The following SUGT1 variants were observed in gnomAD, a reference collection of about 807,000 sequenced individuals.
SUGT1 encodes the protein protein SGT1 homolog.
Under a neutral mutation model 56.1 loss-of-function variants are expected in SUGT1, and 15 were observed. The observed-to-expected ratio is 0.27, with a 90% confidence interval of 0.18 to 0.41. The LOEUF (loss-of-function observed/expected upper bound fraction) is 0.41. SUGT1 is among the 10% of genes least tolerant of loss of function. The pLI is 1.00. For synonymous variants in SUGT1, 123 were observed against 128.6 expected (o/e 0.96, Z 0.30); for missense variants, 347 against 382.2 (o/e 0.91, Z 0.77).
intron 12 of SUGT1, among the ~76,000 whole-genome samples, chr13:52,685,067 G>A (rs1227143820): frequency 4.1e-5 from 2 of 48,828 alleles, no homozygotes; most frequent in Admixed American, 3.7e-4. Flanking sequence ...ACCTTTTGGT[G>A]TCTTTTTTTT....
intron 5 of SUGT1, 105 bp from the exon 6 acceptor site, chr13:52,662,544 C>CGA: frequency 1.8e-6 from 2 of 1,108,886 alleles, no homozygotes; most frequent in Admixed American, 2.0e-5. Context: ...TGCCGACTCC[C>CGA]CAGTGCCTAG....
intron 5 of SUGT1, among the ~76,000 whole-genome samples, chr13:52,660,988 T>C (rs1270790038): frequency 6.6e-6 from 1 of 152,066 alleles, no homozygotes; most frequent in Non-Finnish European, 1.5e-5. Flanking sequence ...TGCATTTTAT[T>C]TTTTGCAGAG....
intron 2 of SUGT1, among the ~76,000 whole-genome samples, chr13:52,654,631 C>G (rs900694061): frequency 1.3e-5 from 2 of 152,194 alleles, no homozygotes; most frequent in Admixed American, 1.3e-4. Flanking sequence ...CTGCTTTGAC[C>G]TCCATCACCA....
At chr13:52,653,197 C>T in intron 2 of SUGT1, 94 bp downstream of exon 2, 1 of 1,460,620 alleles carries the variant, frequency 6.8e-7, no homozygotes, top group Non-Finnish European at 9.5e-7. Context: ...CACCGCCGGA[C>T]AGGGACCCAG....
At chr13:52,667,779 C>T (rs1474676437) in intron 10 of SUGT1, among the ~76,000 whole-genome samples, 1 of 152,014 alleles carries the variant, frequency 6.6e-6, no homozygotes, top group African/African-American at 2.4e-5. Flanking sequence ...AAAAATCTGA[C>T]TCTGGATCTT....
chr13:52,656,970 T>C (rs1287510527), intron 2 of SUGT1, among the ~76,000 whole-genome samples: 1 of 152,240 alleles, frequency 6.6e-6, no homozygotes, highest in Non-Finnish European at 1.5e-5. Flanking sequence ...CATAGCCATC[T>C]ATTAGATTGT....
intron 10 of SUGT1, 105 bp from the exon 11 acceptor site, chr13:52,676,125 A>G: frequency 1.3e-6 from 1 of 775,958 alleles, no homozygotes; most frequent in East Asian, 2.8e-5. Flanking sequence ...GAAACTGTCA[A>G]AGATACTATT....
rs1427016204 is a variant in SUGT1 at position 52,696,495 on chromosome 13, T to C, written c.*8660T>C. Reference sequence around the variant, plus strand: ...AGCTTTGGATCTTTGATACATAGCGTAGTGCCTTTCACATAGTATGTACTC... The same window carrying C: ...AGCTTTGGATCTTTGATACATAGCGCAGTGCCTTTCACATAGTATGTACTC... On this transcript the variant is annotated 3_prime_UTR_variant, in exon 13 of 13. Transcript: ENST00000310528. 2.0e-5 allele frequency: 3 copies of C among 152,242 alleles called. No individual in the cohort carries two copies. The highest frequency in any genetic ancestry group is 1.5e-5 in the Non-Finnish European group (1 of 68,042). 9.4% of individuals were successfully genotyped at this position (152,242 alleles called of 1,614,324 possible). A position where few individuals can be genotyped will look rare whatever the true frequency, so the allele number is the denominator to read the frequency against.
chr13:52,664,097 T>C (rs1389493210), intron 8 of SUGT1, 40 bp downstream of exon 8: 12 of 1,591,964 alleles, frequency 7.5e-6, no homozygotes, highest in African/African-American at 6.7e-5. Flanking sequence ...ATGATAAATA[T>C]GCCTAAAGAG....
chr13:52,652,878 G>C lies in SUGT1; in HGVS notation c.-43G>C. 1 of 1,603,938 alleles carries C rather than the reference G, an allele frequency of 6.2e-7. No homozygotes were observed. Among genetic ancestry groups the C allele is most frequent in the Non-Finnish European group, 8.5e-7 (1 of 1,174,644 alleles). Reference sequence around the variant, plus strand: ...TTGGGCGGTGGTGGAGGTGGTAACCGTGATAGTAGCAGCTCCGGCGGCAGC... The same window carrying C: ...TTGGGCGGTGGTGGAGGTGGTAACCCTGATAGTAGCAGCTCCGGCGGCAGC... On this transcript the variant is annotated 5_prime_UTR_variant, in exon 1 of 13. Transcript: ENST00000310528.
chr13:52,681,592 C>CA (rs1963376111), intron 12 of SUGT1, among the ~76,000 whole-genome samples: 1 of 151,942 alleles, frequency 6.6e-6, no homozygotes, highest in Non-Finnish European at 1.5e-5. Flanking sequence ...GATAGGGAAC[C>CA]TTTAATCCCA....
At chr13:52,658,142 A>T in intron 3 of SUGT1, 1 of 1,391,190 alleles carries the variant, frequency 7.2e-7, no homozygotes, top group Non-Finnish European at 9.3e-7. Flanking sequence ...GAAAATGTTA[A>T]TGAGACAAGG....
In SUGT1 at chr13:52,659,216, C is replaced by T; in HGVS notation, c.295C>T (p.Leu99=). Residue 99 remains leucine, a synonymous_variant, in exon 5 of 13, where the codon CTA becomes TTA. Transcript: ENST00000310528. ...CCATGAAAAAAACTATGCTGCTGCC[C>T]TAGAAACTTTTACAGAAGGACAAAA... ...EYHEKNYAAA[L]ETFTEGQKLD... is the part of the protein sequence containing the mutation. 1 of 1,482,064 alleles carries T rather than the reference C, an allele frequency of 6.7e-7. No homozygotes were observed. The highest frequency in any genetic ancestry group is 8.9e-7 in the Non-Finnish European group (1 of 1,123,036). The allele number at this position is 1,482,064 out of a possible 1,614,324, so 91.8% of individuals were successfully genotyped here.
rs1236655069 is a variant in SUGT1 at position 52,692,429 on chromosome 13, TG to T, written c.*4595del. On this transcript the variant is annotated 3_prime_UTR_variant, in exon 13 of 13. Coordinates refer to ENST00000310528, the MANE Select transcript of SUGT1 (RefSeq NM_006704.5). ...AACTAATTCTTTTTTTTTTTTTTTT[TG>T]AGACAGTCTCACTCTGTCGTTCAGG... 2 of 142,676 alleles carry T rather than the reference TG, an allele frequency of 1.4e-5. No homozygotes were observed. Among genetic ancestry groups the T allele is most frequent in the African/African-American group, 2.6e-5 (1 of 38,456 alleles). The allele number at this position is 142,676 out of a possible 1,614,324, so 8.8% of individuals were successfully genotyped here.
intron 12 of SUGT1, among the ~76,000 whole-genome samples, chr13:52,685,109 C>G (rs1963526570): frequency 6.6e-6 from 1 of 150,454 alleles, no homozygotes; most frequent in Admixed American, 6.6e-5. Context: ...CTCTATTGTT[C>G]CAGCTGGAAT....
chr13:52,661,273 T>G (rs192280124), intron 5 of SUGT1, among the ~76,000 whole-genome samples: 59 of 152,238 alleles, frequency 3.9e-4, no homozygotes, highest in Non-Finnish European at 2.2e-4. Context: ...AAACTTTTTT[T>G]GTTGTTGTTT....
At chr13:52,661,970 A>C (rs552086229) in intron 5 of SUGT1, among the ~76,000 whole-genome samples, 2 of 152,328 alleles carry the variant, frequency 1.3e-5, no homozygotes, top group East Asian at 3.9e-4. Context: ...ATATCTTACT[A>C]TGCACTGTGA....
chr13:52,677,233 G>A (rs1257797596), intron 11 of SUGT1, among the ~76,000 whole-genome samples: 2 of 152,042 alleles, frequency 1.3e-5, no homozygotes, highest in East Asian at 3.9e-4. Flanking sequence ...AAATAATTTT[G>A]GATGTTTAGA....
At chr13:52,673,639 G>C (rs1594245708) in intron 10 of SUGT1, among the ~76,000 whole-genome samples, 1 of 152,282 alleles carries the variant, frequency 6.6e-6, no homozygotes, top group Non-Finnish European at 1.5e-5. Context: ...CTGCTCTTCA[G>C]GTGAAACAAG....
Sources: gnomAD v4.1 joint callset for allele counts (sites outside exome capture counted in the v4.1 genomes callset) on GRCh38, gnomAD v4.1.1 for gene constraint, MANE v1.5 for transcripts, NCBI Gene and HGNC (gene_info 2026-07-23, HGNC 2026-07-21) for gene names.